RASSF3: variants seen among roughly 807,000 people sequenced by gnomAD.
The protein encoded by RASSF3 is Ras association domain family member 3, also known as ras association domain-containing protein 3.
RASSF3 carries 19 observed loss-of-function variants against 19.9 expected under a neutral mutation model. The observed-to-expected ratio is 0.96, with a 90% CI of 0.67 to 1.40. The LOEUF is 1.40. Ranked by LOEUF, RASSF3 falls within the 40% of genes most tolerant of loss-of-function variation. The pLI, the probability that RASSF3 is intolerant of heterozygous loss-of-function variation, is 0.00. For missense variants in RASSF3, 306 were observed against 289.8 expected (o/e 1.06, Z -0.41); for synonymous variants, 110 against 104.2 (o/e 1.06, Z -0.34).
chr12:64,522,295 C>T (rs1357685237), intron 1 of RASSF3, among the ~76,000 whole-genome samples: 2 of 151,990 alleles, frequency 1.3e-5, no homozygotes, highest in African/African-American at 4.8e-5. Flanking sequence ...GAAATTGCAA[C>T]AGAACTTCTG....
chr12:64,589,174 G>C (rs1054116812), intron 2 of RASSF3, among the ~76,000 whole-genome samples: 2 of 152,250 alleles, frequency 1.3e-5, no homozygotes, highest in African/African-American at 4.8e-5. Context: ...CATAGGCCAG[G>C]CGCAGTGGCT....
chr12:64,511,869 A>ACAGT lies in RASSF3; in HGVS notation c.169+4542_169+4545dup, dbSNP rs1222645149. ...AGCTAGAAGACCTAGCTGTTTTCAG[A>ACAGT]CAGTCTCTTTACACTAACAATCTTC... On this transcript the variant is annotated intron_variant, in intron 1 of 5. Coordinates refer to the RASSF3 transcript ENST00000637125. Among the ~76,000 whole-genome samples the ACAGT allele has an allele frequency of 3.3e-5, 5 of 152,326 alleles. No homozygotes were observed. In the East Asian group the frequency reaches 9.6e-4, roughly 29 times the overall value.
At chr12:64,596,257 A>G (rs1282246012) in intron 2 of RASSF3, among the ~76,000 whole-genome samples, 2 of 152,230 alleles carry the variant, frequency 1.3e-5, no homozygotes, top group African/African-American at 4.8e-5. Context: ...TCTCGTGTAT[A>G]CACGTTAAAT....
intron 2 of RASSF3, among the ~76,000 whole-genome samples, chr12:64,580,424 C>G (rs1869672550): frequency 6.6e-6 from 1 of 152,036 alleles, no homozygotes; most frequent in Non-Finnish European, 1.5e-5. Context: ...ACAGAGCCGG[C>G]ACAGTGGTTC....
chr12:64,669,303 T>C (rs1872623180), intron 1 of RASSF3, among the ~76,000 whole-genome samples: 1 of 152,150 alleles, frequency 6.6e-6, no homozygotes, highest in Admixed American at 6.5e-5. Context: ...CTTCACATTA[T>C]TGTGTAAGGG....
intron 2 of RASSF3, among the ~76,000 whole-genome samples, chr12:64,550,990 A>T (rs1029348340): frequency 6.6e-6 from 1 of 151,642 alleles, no homozygotes; most frequent in Non-Finnish European, 1.5e-5. Context: ...TGTTTCTATG[A>T]CTCCTTTTCC....
intron 2 of RASSF3, among the ~76,000 whole-genome samples, chr12:64,549,730 G>T (rs1341278785): frequency 6.6e-6 from 1 of 152,150 alleles, no homozygotes; most frequent in African/African-American, 2.4e-5. Context: ...CGGAGGTAGG[G>T]ATACAGTAGT....
intron 1 of RASSF3, among the ~76,000 whole-genome samples, chr12:64,681,541 C>A (rs1364142593): frequency 2.0e-5 from 3 of 152,174 alleles, no homozygotes; most frequent in African/African-American, 7.2e-5. Flanking sequence ...CATCCCACAT[C>A]CATGAGATTT....
chr12:64,620,993 T>G (rs1870738660), intron 1 of RASSF3, among the ~76,000 whole-genome samples: 1 of 152,194 alleles, frequency 6.6e-6, no homozygotes, highest in South Asian at 2.1e-4. Flanking sequence ...TGGAGTGTAA[T>G]GGCGCGATCT....
chr12:64,540,306 T>G (rs1387102582), intron 1 of RASSF3, among the ~76,000 whole-genome samples: 1 of 152,192 alleles, frequency 6.6e-6, no homozygotes, highest in East Asian at 1.9e-4. Context: ...GTGAATAAAA[T>G]TGTGGCAGCT....
chr12:64,582,872 C>G (rs962609509), intron 2 of RASSF3, among the ~76,000 whole-genome samples: 1 of 152,122 alleles, frequency 6.6e-6, no homozygotes, highest in Non-Finnish European at 1.5e-5. Context: ...TTTTGGCCAG[C>G]GTGTATGTCC....
intron 1 of RASSF3, among the ~76,000 whole-genome samples, chr12:64,660,112 C>T (rs753468316): frequency 5.2e-4 from 77 of 148,842 alleles, no homozygotes; most frequent in Non-Finnish European, 7.4e-4. Context: ...ACATATGGCA[C>T]GCACTATGTT....
At chr12:64,539,756 T>G (rs117900969) in intron 1 of RASSF3, among the ~76,000 whole-genome samples, 2 of 152,036 alleles carry the variant, frequency 1.3e-5, no homozygotes, top group African/African-American at 4.8e-5. Flanking sequence ...CCCTGGGCAA[T>G]AGAGTGAGAC....
intron 1 of RASSF3, among the ~76,000 whole-genome samples, chr12:64,537,477 C>A (rs561646106): frequency 6.6e-6 from 1 of 152,154 alleles, no homozygotes; most frequent in African/African-American, 2.4e-5. Flanking sequence ...AAATAGGTCA[C>A]CCTCTCTCAG....
intron 2 of RASSF3, among the ~76,000 whole-genome samples, chr12:64,560,802 C>T (rs778648826): frequency 2.0e-5 from 3 of 152,084 alleles, no homozygotes; most frequent in African/African-American, 4.8e-5. Flanking sequence ...GGAGAGGAGC[C>T]GAAATAGGCA....
intron 1 of RASSF3, among the ~76,000 whole-genome samples, chr12:64,518,593 A>T (rs1036193155): frequency 6.6e-6 from 1 of 152,214 alleles, no homozygotes; most frequent in Non-Finnish European, 1.5e-5. Flanking sequence ...TCAATGTGAG[A>T]TTTGAAGGGG....
chr12:64,655,985 C>T (rs1214781703), intron 1 of RASSF3, among the ~76,000 whole-genome samples: 1 of 150,046 alleles, frequency 6.7e-6, no homozygotes, highest in Non-Finnish European at 1.5e-5. Context: ...TGACACAGTG[C>T]CACTGTACTC....
At chr12:64,554,095 T>G (rs1038566175) in intron 2 of RASSF3, among the ~76,000 whole-genome samples, 14 of 152,300 alleles carry the variant, frequency 9.2e-5, no homozygotes, top group African/African-American at 2.9e-4. Context: ...GCCCAGTTTC[T>G]GATTTGAAGA....
chr12:64,555,680 C>T (rs868179007), intron 2 of RASSF3, among the ~76,000 whole-genome samples: 7 of 150,718 alleles, frequency 4.6e-5, no homozygotes, highest in Admixed American at 6.6e-5. Context: ...AGCCAGGAGG[C>T]GGAGCTTGCA....
Sources: gnomAD v4.1 joint callset for allele counts (sites outside exome capture counted in the v4.1 genomes callset) on GRCh38, gnomAD v4.1.1 for gene constraint, MANE v1.5 for transcripts, NCBI Gene and HGNC (gene_info 2026-07-23, HGNC 2026-07-21) for gene names.